Variants in CHN1 observed in about 807,000 individuals in gnomAD.
The protein encoded by CHN1 is N-chimaerin.
Under a neutral mutation model 59.5 loss-of-function variants are expected in CHN1, and 37 were observed. The ratio of observed to expected loss-of-function variants is 0.62; its 90% confidence interval spans 0.48 to 0.82. The LOEUF (loss-of-function observed/expected upper bound fraction) is 0.82. Among genes scored for constraint, CHN1 ranks in the 40% least tolerant of loss-of-function variants. CHN1 has a pLI of 0.00. For synonymous variants in CHN1, 206 were observed against 200.4 expected, an observed-to-expected ratio of 1.03 and a Z score of -0.24; for missense variants, 469 against 571.0, an observed-to-expected ratio of 0.82 and a Z score of 1.82.
chr2:174,880,402 C>A (rs1687697213), intron 5 of CHN1, among the ~76,000 whole-genome samples: 1 of 152,178 alleles, frequency 6.6e-6, no homozygotes, highest in African/African-American at 2.4e-5. Context: ...CACCACAGCA[C>A]AGACTGTCAA....
chr2:174,801,922 T>C, intron 11 of CHN1, 110 bp from the exon 12 acceptor site: 1 of 831,872 alleles, frequency 1.2e-6, no homozygotes. Flanking sequence ...TAAGAAATGC[T>C]TTCTCGTAAT....
rs1027265881 is a variant in CHN1, at chr2:174,808,760, G to A, written c.1102+145C>T. ...AAAATAATCTACGTTAGAGAACAATGCAAAATTCTTGTAAGTACATTAACC... is the reference window on the plus strand; with the variant it reads ...AAAATAATCTACGTTAGAGAACAATACAAAATTCTTGTAAGTACATTAACC... On this transcript the variant is annotated intron_variant, in intron 11 of 12. Coordinates refer to ENST00000409900, the MANE Select transcript of CHN1 (RefSeq NM_001822.7). 1.3e-5 allele frequency: 11 copies of A among 832,898 alleles called. No individual in the cohort carries two copies. In the Admixed American group the frequency reaches 2.4e-4, roughly 18 times the overall value. 51.6% of individuals were successfully genotyped at this position (832,898 alleles called of 1,614,324 possible). A position where few individuals can be genotyped will look rare whatever the true frequency, so the allele number is the denominator to read the frequency against.
intron 1 of CHN1, among the ~76,000 whole-genome samples, chr2:174,986,752 T>C (rs957873937): frequency 1.3e-5 from 2 of 152,262 alleles, no homozygotes; most frequent in Non-Finnish European, 2.9e-5. Flanking sequence ...GTTTGCTTGT[T>C]TTGAGACGGA....
intron 6 of CHN1, among the ~76,000 whole-genome samples, chr2:174,859,806 A>C (rs1474330175): frequency 5.9e-5 from 9 of 152,138 alleles, no homozygotes; most frequent in Admixed American, 5.9e-4. Context: ...ACCCTAAGTA[A>C]GGCTCAGCTG....
At chr2:174,862,265 G>A (rs556284003) in intron 6 of CHN1, among the ~76,000 whole-genome samples, 1 of 151,080 alleles carries the variant, frequency 6.6e-6, no homozygotes, top group South Asian at 2.1e-4. Context: ...ATGTTTCTTT[G>A]TTGGTTTCAT....
rs1050613557 is a variant in CHN1, at chr2:174,845,759, T to C, written c.627+1121A>G. Among the ~76,000 whole-genome samples the C allele has an allele frequency of 1.5e-4, 16 of 105,880 alleles. No individual in the cohort carries two copies. In the South Asian group the frequency reaches 3.9e-3, roughly 26 times the overall value. The allele number at this position is 105,880 out of a possible 152,430, so 69.5% of individuals were successfully genotyped here. A position where few individuals can be genotyped will look rare whatever the true frequency, so the allele number is the denominator to read the frequency against. Reference sequence around the variant, plus strand: ...GATCACAAAAACCTATTCCTCACTATGGAAAATGCAGAGCATATGGGTGGG... The same window carrying C: ...GATCACAAAAACCTATTCCTCACTACGGAAAATGCAGAGCATATGGGTGGG... On this transcript the variant is annotated intron_variant, in intron 7 of 12. Coordinates refer to ENST00000409900, the MANE Select transcript of CHN1 (RefSeq NM_001822.7).
intron 1 of CHN1, among the ~76,000 whole-genome samples, chr2:174,986,636 C>A (rs1243134358): frequency 6.6e-6 from 1 of 152,190 alleles, no homozygotes; most frequent in Non-Finnish European, 1.5e-5. Context: ...GACCAACCAA[C>A]CCCTCCTCTT....
intron 1 of CHN1, among the ~76,000 whole-genome samples, chr2:174,957,729 G>C (rs1049665037): frequency 1.1e-4 from 16 of 152,042 alleles, no homozygotes; most frequent in Non-Finnish European, 2.4e-4. Context: ...CCACTGTGAG[G>C]GGCTAGGAAG....
intron 8 of CHN1, among the ~76,000 whole-genome samples, chr2:174,823,489 C>G (rs989551736): frequency 2.6e-5 from 4 of 152,020 alleles, no homozygotes; most frequent in African/African-American, 9.7e-5. Context: ...TGGTGAAACC[C>G]CGTCTCTACT....
At chr2:174,852,608 A>G (rs376839831) in intron 6 of CHN1, among the ~76,000 whole-genome samples, 2 of 152,188 alleles carry the variant, frequency 1.3e-5, no homozygotes, top group African/African-American at 4.8e-5. Flanking sequence ...CCAAAAAAAG[A>G]GCCTGGCTAG....
At position 174,918,520 on chromosome 2, in the gene CHN1, T is replaced by C. The variant is rs1688915178; in HGVS notation, c.146+14A>G. On this transcript the variant is annotated intron_variant, in intron 4 of 12. Coordinates refer to ENST00000409900, the MANE Select transcript of CHN1 (RefSeq NM_001822.7). The stretch of plus-strand genomic sequence containing the variant: ...TGCCAATCTATAAAACGTTTTCTAA[T>C]AATCCATACTTACTCTCTTCCATAA... 6.3e-7 allele frequency: 1 copy of C among 1,575,072 alleles called. No individual in the cohort carries two copies.
At chr2:174,974,636 TC>T (rs1690862077) in intron 1 of CHN1, among the ~76,000 whole-genome samples, 1 of 152,096 alleles carries the variant, frequency 6.6e-6, no homozygotes, top group African/African-American at 2.4e-5. Flanking sequence ...CTCTTCAAAG[TC>T]AAGGCAAATA....
At chr2:174,850,286 A>G (rs1390600468) in intron 6 of CHN1, among the ~76,000 whole-genome samples, 2 of 152,186 alleles carry the variant, frequency 1.3e-5, no homozygotes, top group Non-Finnish European at 2.9e-5. Context: ...TGAATCTAGC[A>G]TAGCAGCTTA....
chr2:174,944,879 T>C lies in CHN1; in HGVS notation c.114+9A>G, dbSNP rs1451302229. ...AGACATTTTTTGGTAGCAGTTTCAT[T>C]ACACCCACCTCGCAAGTACAGGTAA... On this transcript the variant is annotated intron_variant, in intron 3 of 12. Transcript: ENST00000409900. 4 of 1,575,176 alleles carry C rather than the reference T, an allele frequency of 2.5e-6. 1 individual carries two copies. The highest frequency in any genetic ancestry group is 2.3e-5 in the South Asian group (2 of 85,162).
At position 175,005,209 on chromosome 2, in the gene CHN1, C is replaced by T; in HGVS notation, c.-297G>A. The T allele has an allele frequency of 8.2e-7, 1 of 1,218,194 alleles. No individual in the cohort carries two copies. The highest frequency in any genetic ancestry group is 1.6e-5 in the African/African-American group (1 of 62,250). The allele number at this position is 1,218,194 out of a possible 1,614,324, so 75.5% of individuals were successfully genotyped here. On this transcript the variant is annotated 5_prime_UTR_variant, in exon 1 of 13. Transcript: ENST00000409900. ...GCGTGCGCGCGGGAGGAGGTACCTGCGAGGCAGGAGGCTTGGCCGCGGCGC... is the reference window on the plus strand; with the variant it reads ...GCGTGCGCGCGGGAGGAGGTACCTGTGAGGCAGGAGGCTTGGCCGCGGCGC...
At chr2:174,910,899 CAAAAAAAAAAAAAAAAA>C (rs10568066) in intron 5 of CHN1, among the ~76,000 whole-genome samples, 1 of 76,638 alleles carries the variant, frequency 1.3e-5, no homozygotes, top group Non-Finnish European at 2.5e-5. Context: ...GACTCCGTCT[CAAAAAAAAAAAAAAAAA>C]AAAAAAAAGA....
intron 8 of CHN1, among the ~76,000 whole-genome samples, chr2:174,814,024 C>G (rs1376395752): frequency 6.6e-6 from 1 of 152,060 alleles, no homozygotes; most frequent in Non-Finnish European, 1.5e-5. Context: ...GGAAAATTAG[C>G]CAAAACTTAC....
intron 6 of CHN1, among the ~76,000 whole-genome samples, chr2:174,849,968 T>C (rs1343434502): frequency 6.6e-6 from 1 of 152,016 alleles, no homozygotes; most frequent in Non-Finnish European, 1.5e-5. Context: ...TTTTGAGGAG[T>C]AGGAATAGAT....
chr2:174,834,600 G>GT (rs1410162437), intron 7 of CHN1, among the ~76,000 whole-genome samples: 2 of 152,038 alleles, frequency 1.3e-5, no homozygotes, highest in African/African-American at 4.8e-5. Flanking sequence ...GTCTTGCATA[G>GT]TTTTTGATGA....
Sources: allele counts gnomAD v4.1 joint callset (sites outside exome capture counted in the v4.1 genomes callset), GRCh38; gene constraint gnomAD v4.1.1; transcripts MANE v1.5; gene names NCBI Gene and HGNC (gene_info 2026-07-23, HGNC 2026-07-21).